The following DGKI variants were observed in gnomAD, a reference collection of about 807,000 sequenced individuals.
The protein encoded by DGKI is diacylglycerol kinase iota, also known as DAG kinase iota.
Under a neutral mutation model 147.5 loss-of-function variants are expected in DGKI, and 55 were observed. The ratio of observed to expected loss-of-function variants is 0.37; its 90% CI spans 0.30 to 0.47. The LOEUF (loss-of-function observed/expected upper bound fraction) is 0.47. Among genes scored for constraint, DGKI ranks in the 20% least tolerant of loss-of-function variants. The pLI is 1.00. For missense variants in DGKI, 1,007 were observed against 1,323.8 expected (o/e 0.76, Z 3.71); for synonymous variants, 469 against 477.1 (o/e 0.98, Z 0.22).
chr7:137,753,062 ACACG>A (rs1271628326), intron 1 of DGKI, among the ~76,000 whole-genome samples: 6 of 141,722 alleles, frequency 4.2e-5, no homozygotes, highest in East Asian at 2.1e-4. Flanking sequence ...ACACACACAC[ACACG>A]CACACCCACA....
chr7:137,819,755 A>T (rs1428936143), intron 1 of DGKI, among the ~76,000 whole-genome samples: 3 of 152,138 alleles, frequency 2.0e-5, no homozygotes, highest in African/African-American at 4.8e-5. Context: ...ACTCTACATC[A>T]TCTGACCTAG....
At chr7:137,643,802 G>A (rs543564799) in intron 6 of DGKI, among the ~76,000 whole-genome samples, 1 of 152,294 alleles carries the variant, frequency 6.6e-6, no homozygotes, top group South Asian at 2.1e-4. Flanking sequence ...TTGTCTCAAA[G>A]TATAAAATGT....
chr7:137,818,293 T>A (rs1797796476), intron 1 of DGKI, among the ~76,000 whole-genome samples: 2 of 152,038 alleles, frequency 1.3e-5, no homozygotes, highest in Admixed American at 6.5e-5. Flanking sequence ...TATTTAGGAG[T>A]CCAGAAATGT....
At chr7:137,470,424 T>A (rs1814837597) in intron 23 of DGKI, among the ~76,000 whole-genome samples, 1 of 152,228 alleles carries the variant, frequency 6.6e-6, no homozygotes, top group African/African-American at 2.4e-5. Context: ...CTGGACTATC[T>A]TTCTTTCTCC....
intron 20 of DGKI, among the ~76,000 whole-genome samples, chr7:137,540,632 G>C (rs557650605): frequency 6.6e-6 from 1 of 151,798 alleles, no homozygotes; most frequent in African/African-American, 2.4e-5. Context: ...GTTTCAGTGA[G>C]CTGAAATCGC....
chr7:137,618,228 TAA>T (rs753221341), intron 8 of DGKI, among the ~76,000 whole-genome samples: 2 of 126,338 alleles, frequency 1.6e-5, no homozygotes. Context: ...TCACGGTTAT[TAA>T]AAAAAAAAAA....
chr7:137,793,599 A>G (rs1796935751), intron 1 of DGKI, among the ~76,000 whole-genome samples: 1 of 152,072 alleles, frequency 6.6e-6, no homozygotes, highest in Non-Finnish European at 1.5e-5. Flanking sequence ...GAGCCACTGC[A>G]CCCGGCCTAC....
Position 137,549,905 on chromosome 7 carries a change from G to GT in DGKI, c.2147+2463dup, listed in dbSNP as rs558860778. ...TAAGCAAACATTACATGATGACTAG[G>GT]TTTTTTTGCTTTCTTTTGAAAATGT... is the stretch of plus-strand genomic sequence containing the variant. On this transcript the variant is annotated intron_variant, in intron 20 of 32. Transcript: ENST00000614521. 9.2e-5 allele frequency among the ~76,000 whole-genome samples: 14 copies of GT among 152,166 alleles called. No individual in the cohort carries two copies. The South Asian group carries it at 2.9e-3, about 32-fold the overall frequency.
intron 1 of DGKI, among the ~76,000 whole-genome samples, chr7:137,755,907 T>C (rs7787968): frequency 0.077 from 11,726 of 152,156 alleles, 1,516 homozygotes; most frequent in African/African-American, 0.27. Context: ...AGAAAAAGAC[T>C]TGGGTTCCTG....
chr7:137,825,683 CAT>C (rs565233458), intron 1 of DGKI, among the ~76,000 whole-genome samples: 187 of 151,456 alleles, frequency 1.2e-3, no homozygotes, highest in African/African-American at 4.5e-3. Flanking sequence ...CACACACACA[CAT>C]ACACACACAC....
intron 12 of DGKI, among the ~76,000 whole-genome samples, chr7:137,590,955 C>T (rs761184513): frequency 1.6e-4 from 25 of 152,322 alleles, no homozygotes; most frequent in South Asian, 4.1e-4. Context: ...CGCCAAAGTG[C>T]TGGGATTACA....
chr7:137,734,401 C>T (rs188118540), intron 1 of DGKI, among the ~76,000 whole-genome samples: 32 of 152,044 alleles, frequency 2.1e-4, no homozygotes, highest in African/African-American at 7.0e-4. Context: ...CACAGATTTG[C>T]GGGTCAGGAA....
intron 1 of DGKI, among the ~76,000 whole-genome samples, chr7:137,833,043 G>A (rs913975431): frequency 1.4e-4 from 22 of 152,154 alleles, no homozygotes; most frequent in Admixed American, 1.3e-3. Flanking sequence ...ATGCCACTAT[G>A]AGCATTTTTG....
chr7:137,835,467 A>G (rs1233641504), intron 1 of DGKI, among the ~76,000 whole-genome samples: 3 of 152,192 alleles, frequency 2.0e-5, no homozygotes, highest in Non-Finnish European at 4.4e-5. Flanking sequence ...ATAAAAATGA[A>G]ATACTATTCT....
chr7:137,710,311 A>G (rs1162006798), intron 1 of DGKI, among the ~76,000 whole-genome samples: 2 of 152,108 alleles, frequency 1.3e-5, no homozygotes, highest in South Asian at 2.1e-4. Context: ...ACAAAGAACA[A>G]AAGGAGTTAA....
intron 1 of DGKI, among the ~76,000 whole-genome samples, chr7:137,728,982 A>C (rs977374746): frequency 6.6e-6 from 1 of 152,116 alleles, no homozygotes; most frequent in African/African-American, 2.4e-5. Context: ...GCTCCTGAGG[A>C]CTAACAATAT....
intron 21 of DGKI, among the ~76,000 whole-genome samples, chr7:137,488,423 G>A (rs1815645247): frequency 6.6e-6 from 1 of 152,096 alleles, no homozygotes; most frequent in African/African-American, 2.4e-5. Context: ...TACTTAGGTA[G>A]TGTCAAACAC....
intron 1 of DGKI, among the ~76,000 whole-genome samples, chr7:137,766,524 A>G (rs893778790): frequency 1.3e-5 from 2 of 152,216 alleles, no homozygotes; most frequent in African/African-American, 4.8e-5. Flanking sequence ...AGCAAAACCA[A>G]GAAAAAGCAA....
At chr7:137,816,370 C>A (rs1797737636) in intron 1 of DGKI, among the ~76,000 whole-genome samples, 1 of 152,158 alleles carries the variant, frequency 6.6e-6, no homozygotes. Context: ...AGATACCTAC[C>A]CCCTGAGGTT....
Sources: allele counts gnomAD v4.1 joint callset (sites outside exome capture counted in the v4.1 genomes callset), GRCh38; gene constraint gnomAD v4.1.1; transcripts MANE v1.5; gene names NCBI Gene and HGNC (gene_info 2026-07-23, HGNC 2026-07-21).